The following ANKRD36B variants were observed in gnomAD, a reference collection of about 807,000 sequenced individuals.
ANKRD36B encodes the protein ankyrin repeat domain 36B, also known as ankyrin repeat domain-containing protein 36B.
Under a neutral mutation model 135.7 loss-of-function variants are expected in ANKRD36B, and 37 were observed. The observed-to-expected ratio is 0.27, with a 90% CI of 0.21 to 0.36. ANKRD36B has a LOEUF of 0.36. ANKRD36B is among the 10% of genes least tolerant of loss of function. The pLI is 1.00. For missense variants in ANKRD36B, 549 were observed against 1,037.1 expected (o/e 0.53, Z 6.46); for synonymous variants, 179 against 348.1 (o/e 0.51, Z 5.41).
chr2:97,549,408 T>C lies in ANKRD36B; in HGVS notation c.1477+11A>G. ...GACTGAACATGACATTAAATCTGTT[T>C]TCAAAATTACCTGTCCTAGATTTTT... On this transcript the variant is annotated intron_variant, in intron 20 of 43. Transcript: ENST00000359901. The C allele has an allele frequency of 6.4e-7, 1 of 1,551,928 alleles. No homozygotes were observed. The highest frequency in any genetic ancestry group is 8.7e-7 in the Non-Finnish European group (1 of 1,148,824).
At chr2:97,571,967 C>A (rs12619170) in intron 6 of ANKRD36B, among the ~76,000 whole-genome samples, 150,450 of 152,266 alleles carry the variant, frequency 0.99, 74,337 homozygotes, top group Middle Eastern at 1. Flanking sequence ...CTTTAAACTC[C>A]CTTTGGAGAA....
At chr2:97,573,246 T>C (rs1168756756) in intron 6 of ANKRD36B, among the ~76,000 whole-genome samples, 2 of 152,228 alleles carry the variant, frequency 1.3e-5, no homozygotes, top group Non-Finnish European at 2.9e-5. Context: ...CATGAACTCA[T>C]CATTTCTTAT....
chr2:97,549,673 C>G, intron 18 of ANKRD36B, 59 bp from the exon 19 acceptor site: 1 of 1,602,720 alleles, frequency 6.2e-7, no homozygotes, highest in Non-Finnish European at 8.5e-7. Flanking sequence ...GATATCCACA[C>G]ATTCATGCAG....
intron 6 of ANKRD36B, among the ~76,000 whole-genome samples, chr2:97,571,791 T>C (rs2081896623): frequency 6.6e-6 from 1 of 152,248 alleles, no homozygotes; most frequent in South Asian, 2.1e-4. Flanking sequence ...ATCTTTTTTC[T>C]TAAGTTCTTA....
Position 97,541,955 on chromosome 2 carries a change from G to A in ANKRD36B, c.1841C>T (p.Ser614Leu), listed in dbSNP as rs372395906. The A allele has an allele frequency of 0.012, 10,553 of 872,682 alleles. 3,249 individuals carry two copies. The East Asian group carries it at 0.17, about 14-fold the overall frequency. The allele number at this position is 872,682 out of a possible 1,614,324, so 54.1% of individuals were successfully genotyped here. ...KATSVKKDSV[S>L]NIATEIKDGQ... ...ATCCTTTATTTCTGTGGCTATATTCGAAACAGAATCTTTCTTGACACTTGT... is the reference window on the plus strand; with the variant it reads ...ATCCTTTATTTCTGTGGCTATATTCAAAACAGAATCTTTCTTGACACTTGT... Residue 614 changes from serine to leucine, a missense_variant, in exon 28 of 44, where the codon TCG becomes TTG. Transcript: ENST00000359901.
intron 6 of ANKRD36B, among the ~76,000 whole-genome samples, chr2:97,566,046 G>T (rs1266383307): frequency 6.6e-6 from 1 of 151,906 alleles, no homozygotes; most frequent in Non-Finnish European, 1.5e-5. Context: ...GGGCACAGTG[G>T]CTCATGGCTG....
intron 12 of ANKRD36B, 75 bp downstream of exon 12, chr2:97,556,862 A>C: frequency 5.2e-6 from 8 of 1,527,438 alleles, no homozygotes; most frequent in Non-Finnish European, 7.0e-6. Context: ...ATGACACCCC[A>C]CTGATCTATT....
At chr2:97,531,179 G>A (rs1442884175) in intron 35 of ANKRD36B, among the ~76,000 whole-genome samples, 1 of 90,258 alleles carries the variant, frequency 1.1e-5, no homozygotes, top group Admixed American at 9.9e-5. Flanking sequence ...ATGATAGCCT[G>A]GATTAAGAAA....
In ANKRD36B at chr2:97,537,973, A is replaced by G. The variant is rs1196360935; in HGVS notation, c.2089+195T>C. 4.2e-5 allele frequency among the ~76,000 whole-genome samples: 4 copies of G among 95,674 alleles called. 1 individual carries two copies. The highest frequency in any genetic ancestry group is 1.1e-4 in the Non-Finnish European group (4 of 36,108). The allele number at this position is 95,674 out of a possible 152,430, so 62.8% of individuals were successfully genotyped here. A position where few individuals can be genotyped will look rare whatever the true frequency, so the allele number is the denominator to read the frequency against. On this transcript the variant is annotated intron_variant, in intron 32 of 43. Coordinates refer to ENST00000359901, the MANE Select transcript of ANKRD36B (RefSeq NM_001393939.1). ...ACACAATTTCAATGTAGGGAAGTCT[A>G]TAAGCTTGTTACTAAGATCATGGCC...
At chr2:97,572,014 C>T (rs1409021389) in intron 6 of ANKRD36B, among the ~76,000 whole-genome samples, 5 of 151,618 alleles carry the variant, frequency 3.3e-5, no homozygotes, top group Non-Finnish European at 5.9e-5. Flanking sequence ...GGCTCATGAC[C>T]ATAATTCCAG....
At chr2:97,567,199 G>C (rs1302797346) in intron 6 of ANKRD36B, among the ~76,000 whole-genome samples, 1 of 150,882 alleles carries the variant, frequency 6.6e-6, no homozygotes, top group Non-Finnish European at 1.5e-5. Flanking sequence ...TGTCCTCCCA[G>C]GGCACTCACC....
chr2:97,567,161 G>C (rs865905748), intron 6 of ANKRD36B, among the ~76,000 whole-genome samples: 2 of 151,582 alleles, frequency 1.3e-5, no homozygotes, highest in African/African-American at 4.8e-5. Context: ...CATAGTGCAA[G>C]ATACGGGGGG....
intron 3 of ANKRD36B, among the ~76,000 whole-genome samples, chr2:97,584,253 T>C (rs1216265537): frequency 8.7e-6 from 1 of 114,458 alleles, no homozygotes; most frequent in Admixed American, 1.0e-4. Context: ...AATTGATCCC[T>C]GGGCAATTTC....
intron 8 of ANKRD36B, among the ~76,000 whole-genome samples, chr2:97,559,779 A>G (rs1023282976): frequency 2.0e-5 from 3 of 151,952 alleles, no homozygotes; most frequent in African/African-American, 7.2e-5. Flanking sequence ...TTCATTGAAA[A>G]TCACCACTTT....
chr2:97,587,808 T>C (rs1228475645), intron 1 of ANKRD36B, among the ~76,000 whole-genome samples: 1 of 143,066 alleles, frequency 7.0e-6, no homozygotes, highest in East Asian at 2.0e-4. Context: ...AACTTGTGGA[T>C]AGAAAACAGT....
At chr2:97,572,525 T>C (rs1160442033) in intron 6 of ANKRD36B, among the ~76,000 whole-genome samples, 1 of 141,594 alleles carries the variant, frequency 7.1e-6, no homozygotes, top group Admixed American at 7.1e-5. Flanking sequence ...ATTTAAAGTT[T>C]GAAAATTTAA....
chr2:97,571,608 T>C lies in ANKRD36B; in HGVS notation c.763+4771A>G, dbSNP rs893737133. Among the ~76,000 whole-genome samples, 6 of 152,138 alleles carry C rather than the reference T, an allele frequency of 3.9e-5. No individual in the cohort carries two copies. In the South Asian group the frequency reaches 6.2e-4, roughly 16 times the overall value. On this transcript the variant is annotated intron_variant, in intron 6 of 43. Coordinates refer to ENST00000359901, the MANE Select transcript of ANKRD36B (RefSeq NM_001393939.1). ...TTGCAGTGAGCCGAGATTGCGCCAC[T>C]GCACTCCAGCCTGGGCAACAGAGCG...
intron 5 of ANKRD36B, among the ~76,000 whole-genome samples, chr2:97,578,507 T>C (rs1360941342): frequency 6.6e-6 from 1 of 152,056 alleles, no homozygotes; most frequent in Non-Finnish European, 1.5e-5. Context: ...GATCAGGCTA[T>C]AGTAGATGGT....
At chr2:97,553,393 T>C (rs766706812) in intron 14 of ANKRD36B, 22 bp from the exon 15 acceptor site, 1 of 1,604,426 alleles carries the variant, frequency 6.2e-7, no homozygotes, top group Non-Finnish European at 8.5e-7. Context: ...AAGGGATACA[T>C]AATCACTCAT....
Sources: gnomAD v4.1 joint callset for allele counts (sites outside exome capture counted in the v4.1 genomes callset) on GRCh38, gnomAD v4.1.1 for gene constraint, MANE v1.5 for transcripts, NCBI Gene and HGNC (gene_info 2026-07-23, HGNC 2026-07-21) for gene names.